The following MUC15 variants were observed in gnomAD, a reference collection of about 807,000 sequenced individuals.
The protein encoded by MUC15 is mucin-15.
MUC15 carries 23 observed loss-of-function variants against 24.0 expected under a neutral mutation model. That is an observed-to-expected ratio of 0.96 (90% CI 0.69 to 1.36). MUC15 has a LOEUF of 1.36. MUC15 is among the 40% of genes most tolerant of loss of function. MUC15 has a pLI of 0.00. For synonymous variants in MUC15, 151 were observed against 156.3 expected (o/e 0.97, Z 0.25); for missense variants, 442 against 428.2 (o/e 1.03, Z -0.29).
At position 26,565,328 on chromosome 11, in the gene MUC15, A is replaced by G. The variant is rs1404510173; in HGVS notation, c.612T>C (p.Ser204=). 1 of 1,611,370 alleles carries G rather than the reference A, an allele frequency of 6.2e-7. No homozygotes were observed. The highest frequency in any genetic ancestry group is 1.7e-5 in the Admixed American group (1 of 59,766). The part of the protein sequence containing the change: ...TVSILSSEPT[S]PSVTPLIVEP... ...CCACTATCAAGGGGGTCACAGATGG[A>G]GAAGTTGGTTCTGAAGAGAGGATGC... Residue 204 remains serine (S), a synonymous_variant, in exon 3 of 5, where the codon TCT becomes TCC. Coordinates refer to ENST00000529533, the MANE Select transcript of MUC15 (RefSeq NM_001135091.2).
In MUC15 at chr11:26,560,692, C is replaced by A. The variant is rs565938351; in HGVS notation, c.*373G>T. The stretch of plus-strand genomic sequence containing the variant: ...TATGGTACTAGGGCTTCAGGCAGAG[C>A]AGTAAAGAGTCATCTTCATTGTTTT... On this transcript the variant is annotated 3_prime_UTR_variant, in exon 5 of 5. Coordinates refer to ENST00000529533, the MANE Select transcript of MUC15 (RefSeq NM_001135091.2). The A allele has an allele frequency of 1.6e-4, 27 of 163,938 alleles. No homozygotes were observed. Among genetic ancestry groups the A allele is most frequent in the Non-Finnish European group, 3.3e-4 (25 of 76,082 alleles). 10.2% of individuals were successfully genotyped at this position (163,938 alleles called of 1,614,324 possible).
rs757085708 is a variant in MUC15 at position 26,565,157 on chromosome 11, A to ATATT, written c.775+4_775+7dup. The ATATT allele has an allele frequency of 6.7e-7, 1 of 1,498,148 alleles. No homozygotes were observed. 92.8% of individuals were successfully genotyped at this position (1,498,148 alleles called of 1,614,324 possible). A position where few individuals can be genotyped will look rare whatever the true frequency, so the allele number is the denominator to read the frequency against. On this transcript the variant is annotated splice_region_variant and intron_variant, in intron 3 of 4. Coordinates refer to ENST00000529533, the MANE Select transcript of MUC15 (RefSeq NM_001135091.2). ...CACAAAAGGAAAGTTAAAATCATTT[A>ATATT]TATTTACCTTTTTGGGGATCTGACG... is the stretch of plus-strand genomic sequence containing the variant.
rs764671965 is a variant in MUC15, at chr11:26,563,393, C to CTGTGTGTGTGTG, written c.776-129_776-128insCACACACACACA. The CTGTGTGTGTGTG allele has an allele frequency of 2.1e-4, 177 of 825,628 alleles. 3 individuals carry two copies. The highest frequency in any genetic ancestry group is 6.5e-4 in the South Asian group (30 of 46,066). The allele number at this position is 825,628 out of a possible 1,614,324, so 51.1% of individuals were successfully genotyped here. A position where few individuals can be genotyped will look rare whatever the true frequency, so the allele number is the denominator to read the frequency against. ...AAATTAGATAATGGTGTGTTTCTCTCTCTGTGTGTGTGTGTGTGTGTGTGT... is the reference window on the plus strand; with the variant it reads ...AAATTAGATAATGGTGTGTTTCTCTCTGTGTGTGTGTGTCTGTGTGTGTGTGTGTGTGTGTGT... On this transcript the variant is annotated intron_variant, in intron 3 of 4. Coordinates refer to ENST00000529533, the MANE Select transcript of MUC15 (RefSeq NM_001135091.2).
chr11:26,565,653 G>T lies in MUC15; in HGVS notation c.287C>A (p.Ala96Glu). The T allele has an allele frequency of 1.2e-6, 2 of 1,613,326 alleles. No homozygotes were observed. Among genetic ancestry groups the T allele is most frequent in the Non-Finnish European group, 1.7e-6 (2 of 1,179,550 alleles). ...TAGATTCAAAGGAGGGGAATGACTC[G>T]CCTTGAGATTTGAGGTGGTTATATT... ...KENITTSNLK[A>E]SHSPPLNLPN... Residue 96 changes from alanine to glutamate, a missense_variant, in exon 3 of 5, where the codon GCG becomes GAG. By Grantham distance (107) the Ala-to-Glu change is moderately radical. Transcript: ENST00000529533.
chr11:26,570,863 T>A (rs1850796143), intron 1 of MUC15, among the ~76,000 whole-genome samples: 1 of 152,096 alleles, frequency 6.6e-6, no homozygotes, highest in African/African-American at 2.4e-5. Flanking sequence ...ACATAAGACA[T>A]CCTTCTAAAA....
At position 26,565,471 on chromosome 11, in the gene MUC15, C is replaced by T. The variant is rs35317037; in HGVS notation, c.469G>A (p.Asp157Asn). Residue 157 changes from aspartate to asparagine, a missense_variant, in exon 3 of 5, where the codon GAT (aspartate) becomes AAT (asparagine). By Grantham distance (23) the Asp-to-Asn change is conservative (BLOSUM62 1). Transcript: ENST00000529533. ...GGATGTGCTGAGATGGGCAAAAGATCTTCATCTGCTATAGGTGCATTCCAA... is the reference window on the plus strand; with the variant it reads ...GGATGTGCTGAGATGGGCAAAAGATTTTCATCTGCTATAGGTGCATTCCAA... ...VPWNAPIADE[D>N]LLPISAHPNA... 17,605 of 1,613,350 alleles carry T rather than the reference C, an allele frequency of 0.011. 101 individuals are homozygous for T. The highest frequency in any genetic ancestry group is 0.013 in the Non-Finnish European group (15,496 of 1,179,532).
chr11:26,564,276 T>C (rs950289436), intron 3 of MUC15, among the ~76,000 whole-genome samples: 7 of 151,636 alleles, frequency 4.6e-5, no homozygotes, highest in African/African-American at 1.7e-4. Context: ...GATAGTGGTA[T>C]TATAAAAAGC....
At chr11:26,565,020 A>G (rs1255607823) in intron 3 of MUC15, 145 bp downstream of exon 3, 1 of 743,874 alleles carries the variant, frequency 1.3e-6, no homozygotes, top group Non-Finnish European at 2.0e-6. Flanking sequence ...AGTGACTATA[A>G]TGATCATCCC....
rs1211671460 is a variant in MUC15, at chr11:26,560,966, C to A, written c.*99G>T. 8.4e-7 allele frequency: 1 copy of A among 1,192,228 alleles called. No individual in the cohort carries two copies. 73.9% of individuals were successfully genotyped at this position (1,192,228 alleles called of 1,614,324 possible). Reference sequence around the variant, plus strand: ...TTTTATGATTCTCCTTGACAAAATCCACGTGACAGTAATTTTGTGTAACCT... The same window carrying A: ...TTTTATGATTCTCCTTGACAAAATCAACGTGACAGTAATTTTGTGTAACCT... On this transcript the variant is annotated 3_prime_UTR_variant, in exon 5 of 5. Transcript: ENST00000529533.
Position 26,567,056 on chromosome 11 carries a change from A to G in MUC15, c.39T>C (p.Asp13=). Residue 13 remains aspartate, a synonymous_variant, in exon 2 of 5, where the codon GAT becomes GAC. Transcript: ENST00000529533. Reference sequence around the variant, plus strand: ...ATCATCTTATTTGATACTTACAACAATCCCTTGATGTGGCAAGAATAGATT... The same window carrying G: ...ATCATCTTATTTGATACTTACAACAGTCCCTTGATGTGGCAAGAATAGATT... ...IIQSILATSR[D]CYSFKKKPIP... is the part of the protein sequence containing the mutation. 6.6e-7 allele frequency: 1 copy of G among 1,509,414 alleles called. No individual in the cohort carries two copies. The highest frequency in any genetic ancestry group is 8.9e-7 in the Non-Finnish European group (1 of 1,123,910). 93.5% of individuals were successfully genotyped at this position (1,509,414 alleles called of 1,614,324 possible). A position where few individuals can be genotyped will look rare whatever the true frequency, so the allele number is the denominator to read the frequency against.
Position 26,567,085 on chromosome 11 carries a change from T to C in MUC15, c.10A>G (p.Ile4Val). 1 of 1,493,682 alleles carries C rather than the reference T, an allele frequency of 6.7e-7. No homozygotes were observed. The highest frequency in any genetic ancestry group is 9.0e-7 in the Non-Finnish European group (1 of 1,116,112). 92.5% of individuals were successfully genotyped at this position (1,493,682 alleles called of 1,614,324 possible). Reference protein sequence around the residue: MGIIQSILATSRDC... With the variant: MGIVQSILATSRDC... ...CTTGATGTGGCAAGAATAGATTGTA[T>C]TATGCCCATTTTGCAGATGAAGAAA... Residue 4 changes from isoleucine (I) to valine (V), a missense_variant, in exon 2 of 5, where the codon ATA becomes GTA. Ile to Val is a conservative substitution (Grantham distance 29). Transcript: ENST00000529533.
At chr11:26,563,953 A>G (rs1378919116) in intron 3 of MUC15, among the ~76,000 whole-genome samples, 1 of 151,920 alleles carries the variant, frequency 6.6e-6, no homozygotes, top group Non-Finnish European at 1.5e-5. Flanking sequence ...GAAATTTAGT[A>G]CATTTCTCTT....
chr11:26,560,990 C>A lies in MUC15; in HGVS notation c.*75G>T. 1.4e-6 allele frequency: 2 copies of A among 1,449,158 alleles called. No homozygotes were observed. Among genetic ancestry groups the A allele is most frequent in the Non-Finnish European group, 1.9e-6 (2 of 1,064,814 alleles). 89.8% of individuals were successfully genotyped at this position (1,449,158 alleles called of 1,614,324 possible). On this transcript the variant is annotated 3_prime_UTR_variant, in exon 5 of 5. Coordinates refer to ENST00000529533, the MANE Select transcript of MUC15 (RefSeq NM_001135091.2). ...CCACGTGACAGTAATTTTGTGTAAC[C>A]TTTTGAAAGATGAATTTGTCAAAAG...
Position 26,565,497 on chromosome 11 carries a change from G to A in MUC15, c.443C>T (p.Pro148Leu), listed in dbSNP as rs1421763537. 1.1e-5 allele frequency: 18 copies of A among 1,613,382 alleles called. No homozygotes were observed. Among genetic ancestry groups the A allele is most frequent in the Non-Finnish European group, 1.4e-5 (17 of 1,179,546 alleles). Residue 148 changes from proline (P) to leucine (L), a missense_variant, in exon 3 of 5, where the codon CCT becomes CTT. By Grantham distance (98) the Pro-to-Leu change is moderately conservative. Coordinates refer to ENST00000529533, the MANE Select transcript of MUC15 (RefSeq NM_001135091.2). Reference sequence around the variant, plus strand: ...TTCATCTGCTATAGGTGCATTCCAAGGCACTTTAGAAACAAAGCTATGGAT... The same window carrying A: ...TTCATCTGCTATAGGTGCATTCCAAAGCACTTTAGAAACAAAGCTATGGAT... ...PLIHSFVSKV[P>L]WNAPIADEDL...
chr11:26,566,753 G>C (rs116868219), intron 2 of MUC15, among the ~76,000 whole-genome samples: 12,380 of 151,770 alleles, frequency 0.082, 670 homozygotes, highest in Non-Finnish European at 0.12. Flanking sequence ...TTCATAAATA[G>C]GGTGATATAG....
intron 1 of MUC15, among the ~76,000 whole-genome samples, chr11:26,568,943 C>T (rs929794936): frequency 2.0e-5 from 3 of 151,910 alleles, no homozygotes; most frequent in East Asian, 1.9e-4. Context: ...TTATGGCATT[C>T]GATTTATTTT....
Position 26,565,530 on chromosome 11 carries a change from G to C in MUC15, c.410C>G (p.Pro137Arg), listed in dbSNP as rs1225535303. 3 of 1,613,404 alleles carry C rather than the reference G, an allele frequency of 1.9e-6. No individual in the cohort carries two copies. Among genetic ancestry groups the C allele is most frequent in the Non-Finnish European group, 2.5e-6 (3 of 1,179,572 alleles). ...AGAAACAAAGCTATGGATCAAGGGA[G>C]GGCTTGTGGAAATGGTAGATGTGGG... ...LKPTSTISTS[P>R]PLIHSFVSKV... Residue 137 changes from proline to arginine, a missense_variant, in exon 3 of 5, where the codon CCT becomes CGT. By Grantham distance (103) the Pro-to-Arg change is moderately radical. Coordinates refer to ENST00000529533, the MANE Select transcript of MUC15 (RefSeq NM_001135091.2).
At chr11:26,566,999 T>A in intron 2 of MUC15, 53 bp downstream of exon 2, 5 of 1,365,224 alleles carry the variant, frequency 3.7e-6, no homozygotes, top group Non-Finnish European at 4.9e-6. Context: ...ATAATATATC[T>A]ATAGTGTCTT....
At chr11:26,564,270 G>A (rs993101849) in intron 3 of MUC15, among the ~76,000 whole-genome samples, 11 of 151,534 alleles carry the variant, frequency 7.3e-5, no homozygotes, top group East Asian at 3.9e-4. Flanking sequence ...TATATTGATA[G>A]TGGTATTATA....
Sources: allele counts gnomAD v4.1 joint callset (sites outside exome capture counted in the v4.1 genomes callset), GRCh38; gene constraint gnomAD v4.1.1; transcripts MANE v1.5; gene names NCBI Gene and HGNC (gene_info 2026-07-23, HGNC 2026-07-21).